ABR: variants seen among roughly 807,000 people sequenced by gnomAD.
ABR encodes the protein ABR activator of RhoGEF and GTPase, also known as active breakpoint cluster region-related protein.
Under a neutral mutation model 107.2 loss-of-function variants are expected in ABR, and 35 were observed. That is an observed-to-expected ratio of 0.33 (90% CI 0.25 to 0.43). The LOEUF is 0.43. Ranked by LOEUF, ABR falls within the 20% of genes least tolerant of loss-of-function variation. The pLI is 1.00. For synonymous variants in ABR, 498 were observed against 462.0 expected (o/e 1.08, Z -1.00); for missense variants, 815 against 1,115.2 (o/e 0.73, Z 3.83).
intron 12 of ABR, 127 bp downstream of exon 12, chr17:1,057,843 C>T (rs959363299): frequency 5.0e-6 from 4 of 806,728 alleles, no homozygotes; most frequent in Admixed American, 1.9e-5. Context: ...TAAACGCTCA[C>T]CCTGGCACCT....
intron 2 of ABR, among the ~76,000 whole-genome samples, chr17:1,113,367 A>G (rs557859224): frequency 5.7e-5 from 8 of 140,118 alleles, no homozygotes; most frequent in Non-Finnish European, 9.0e-5. Context: ...GCTCACTGCA[A>G]CCTCCGCCTC....
intron 16 of ABR, among the ~76,000 whole-genome samples, chr17:1,020,702 G>GA (rs2071557994): frequency 6.6e-6 from 1 of 152,206 alleles, no homozygotes; most frequent in Admixed American, 6.5e-5. Context: ...CCGCAGCGGG[G>GA]AGAGGATTTG....
At position 1,203,485 on chromosome 17, in the gene ABR, G is replaced by C. The variant is rs1480029504; in HGVS notation, c.838+25308C>G. ...GCGGGGACGGAGTCTGCGGGGGCGGGGCCCGCGGGGACGGAGTCTGCGGGG... is the reference window on the plus strand; with the variant it reads ...GCGGGGACGGAGTCTGCGGGGGCGGCGCCCGCGGGGACGGAGTCTGCGGGG... On this transcript the variant is annotated intron_variant, in intron 1 of 22. Transcript: ENST00000574139. Among the ~76,000 whole-genome samples the C allele has an allele frequency of 2.1e-5, 2 of 93,318 alleles. 1 individual carries two copies. The highest frequency in any genetic ancestry group is 2.2e-4 in the Admixed American group (2 of 8,906). The allele number at this position is 93,318 out of a possible 152,430, so 61.2% of individuals were successfully genotyped here.
intron 1 of ABR, among the ~76,000 whole-genome samples, chr17:1,138,204 C>G (rs542916360): frequency 4.6e-5 from 7 of 151,952 alleles, no homozygotes; most frequent in East Asian, 1.9e-4. Context: ...ACGTCCAGCT[C>G]TCAACTACTT....
intron 16 of ABR, among the ~76,000 whole-genome samples, chr17:1,032,975 C>G (rs1435978714): frequency 6.6e-6 from 1 of 152,170 alleles, no homozygotes; most frequent in Non-Finnish European, 1.5e-5. Context: ...TGTTACTGCC[C>G]TGTTCTAGAG....
chr17:1,132,360 C>A (rs1186039619), intron 1 of ABR, among the ~76,000 whole-genome samples: 3 of 146,698 alleles, frequency 2.0e-5, no homozygotes, highest in Admixed American at 7.1e-5. Context: ...TATGATAATA[C>A]TTGAATACCG....
chr17:1,013,449 C>T, intron 16 of ABR, among the ~76,000 whole-genome samples: 1 of 148,346 alleles, frequency 6.7e-6, no homozygotes, highest in East Asian at 2.0e-4. Flanking sequence ...ACTCTGTTAC[C>T]CACCGTGGGG....
chr17:1,075,567 G>C (rs1469462245), intron 6 of ABR, among the ~76,000 whole-genome samples: 2 of 144,916 alleles, frequency 1.4e-5, no homozygotes, highest in Non-Finnish European at 3.0e-5. Flanking sequence ...AATCACTGGG[G>C]GAGCGGTTAA....
At position 1,051,093 on chromosome 17, in the gene ABR, G is replaced by T. The variant is rs2032454776; in HGVS notation, c.1562-459C>A. Among the ~76,000 whole-genome samples the T allele has an allele frequency of 6.6e-6, 1 of 152,114 alleles. No homozygotes were observed. Among genetic ancestry groups the T allele is most frequent in the South Asian group, 2.1e-4 (1 of 4,832 alleles). ...GCCCAGGCCTCAACAGCGGCATTTG[G>T]GGTGGGAGGCGTTTAGCAGCCCTGC... On this transcript the variant is annotated intron_variant, in intron 14 of 22. Coordinates refer to ENST00000302538, the MANE Select transcript of ABR (RefSeq NM_021962.5). The surrounding 1 kb of genome is among the most constrained non-coding windows in gnomAD (Gnocchi z 4.3).
intron 1 of ABR, among the ~76,000 whole-genome samples, chr17:1,216,081 G>A (rs908055493): frequency 6.6e-6 from 1 of 151,130 alleles, no homozygotes; most frequent in Admixed American, 6.6e-5. Context: ...AGAGACCTTT[G>A]TTCACTTGTT....
rs71148437 is a variant in ABR at position 1,135,377 on chromosome 17, CTT to C, written c.62-10012_62-10011del. Among the ~76,000 whole-genome samples, 30 of 51,354 alleles carry C rather than the reference CTT, an allele frequency of 5.8e-4. 2 individuals carry two copies. Among genetic ancestry groups the C allele is most frequent in the Non-Finnish European group, 1.1e-3 (19 of 17,214 alleles). The allele number at this position is 51,354 out of a possible 152,430, so 33.7% of individuals were successfully genotyped here. On this transcript the variant is annotated intron_variant, in intron 1 of 22. Transcript: ENST00000302538. ...TATTTTTTATTCTTTTTCTTTTTGT[CTT>C]TTTTTTTTTTTTTTGAGACAGAGTT...
At chr17:1,136,890 G>T (rs1227818800) in intron 1 of ABR, among the ~76,000 whole-genome samples, 1 of 152,134 alleles carries the variant, frequency 6.6e-6, no homozygotes, top group Non-Finnish European at 1.5e-5. Context: ...GAAGCACTTT[G>T]AATTTCCTTA....
intron 1 of ABR, among the ~76,000 whole-genome samples, chr17:1,215,789 G>C (rs1019034006): frequency 6.6e-6 from 1 of 152,114 alleles, no homozygotes; most frequent in Non-Finnish European, 1.5e-5. Flanking sequence ...TGTCTGTGTA[G>C]AAAGAGGTGG....
At chr17:1,048,859 C>T (rs2032078057) in intron 16 of ABR, among the ~76,000 whole-genome samples, 1 of 152,222 alleles carries the variant, frequency 6.6e-6, no homozygotes, top group Non-Finnish European at 1.5e-5. Flanking sequence ...AGAAGCTCAG[C>T]ACGCCCAACG....
chr17:1,026,323 C>T (rs1345131506), intron 16 of ABR, among the ~76,000 whole-genome samples: 1 of 152,252 alleles, frequency 6.6e-6, no homozygotes, highest in Non-Finnish European at 1.5e-5. Context: ...GCCTGAGGGG[C>T]TGGGGACCCC....
At chr17:1,115,927 A>G (rs2038965541) in intron 2 of ABR, among the ~76,000 whole-genome samples, 2 of 147,502 alleles carry the variant, frequency 1.4e-5, no homozygotes, top group African/African-American at 5.0e-5. Flanking sequence ...ACTCTGTCTC[A>G]AAAAAATAAA....
chr17:1,156,741 C>T (rs780833983), intron 1 of ABR, among the ~76,000 whole-genome samples: 27 of 152,102 alleles, frequency 1.8e-4, no homozygotes, highest in Non-Finnish European at 2.8e-4. Context: ...TTAACAATTA[C>T]TTGGTGAATA....
At chr17:1,097,760 C>G (rs536323104) in intron 3 of ABR, among the ~76,000 whole-genome samples, 1 of 152,296 alleles carries the variant, frequency 6.6e-6, no homozygotes, top group East Asian at 1.9e-4. Context: ...AGTCTAGATC[C>G]TCTGTCTGAA....
chr17:1,021,487 G>A (rs2071627207), intron 16 of ABR, among the ~76,000 whole-genome samples: 1 of 152,198 alleles, frequency 6.6e-6, no homozygotes, highest in Admixed American at 6.5e-5. Context: ...TTCCCTCAGA[G>A]GGGGTTGCAG....
Sources: allele counts gnomAD v4.1 joint callset (sites outside exome capture counted in the v4.1 genomes callset), GRCh38; gene constraint gnomAD v4.1.1; non-coding constraint Gnocchi (gnomAD v3.1); transcripts MANE v1.5; gene names NCBI Gene and HGNC (gene_info 2026-07-23, HGNC 2026-07-21).